ANGPTL4: variants seen among roughly 807,000 people sequenced by gnomAD.
ANGPTL4 encodes angiopoietin-related protein 4.
A neutral mutation model predicts 39.2 loss-of-function variants in ANGPTL4; 39 were observed. The ratio of observed to expected loss-of-function variants is 1.00; its 90% CI spans 0.77 to 1.30. ANGPTL4 has a LOEUF of 1.30. ANGPTL4 is among the 50% of genes most tolerant of loss of function. ANGPTL4 has a pLI of 0.00. For missense variants in ANGPTL4, 545 were observed against 549.8 expected (o/e 0.99, Z 0.09); for synonymous variants, 233 against 229.5 (o/e 1.02, Z -0.14).
In ANGPTL4 at chr19:8,365,397, G is replaced by A. The variant is rs556606496; in HGVS notation, c.319-557G>A. ...GGAGGCTGAGGCAGGAGAACCTCTT[G>A]AACCCGGGAGGCGGAGGTTGCAGTG... On this transcript the variant is annotated intron_variant, in intron 1 of 6. Transcript: ENST00000301455. Among the ~76,000 whole-genome samples the A allele has an allele frequency of 9.9e-4, 151 of 152,052 alleles. No individual in the cohort carries two copies. The Middle Eastern group carries it at 0.01, about 10-fold the overall frequency.
intron 4 of ANGPTL4, 117 bp downstream of exon 4, chr19:8,369,449 GCTGGTCT>G: frequency 1.6e-6 from 1 of 627,880 alleles, no homozygotes; most frequent in South Asian, 1.8e-5. Flanking sequence ...TGTTGCCCAA[GCTGGTCT>G]TTTTTTTTTT....
At chr19:8,366,645 CG>C (rs1291417635) in intron 3 of ANGPTL4, among the ~76,000 whole-genome samples, 1 of 151,978 alleles carries the variant, frequency 6.6e-6, no homozygotes, top group African/African-American at 2.4e-5. Context: ...AAATGGGGTT[CG>C]GGGTGCCATC....
At chr19:8,365,281 C>G (rs1455056436) in intron 1 of ANGPTL4, among the ~76,000 whole-genome samples, 2 of 151,588 alleles carry the variant, frequency 1.3e-5, no homozygotes, top group Non-Finnish European at 2.9e-5. Flanking sequence ...AGTTCAAGAC[C>G]AGCCTGACCA....
In ANGPTL4 at chr19:8,371,432, G is replaced by A. The variant is rs747326940; in HGVS notation, c.949G>A (p.Val317Ile). 43 of 1,613,232 alleles carry A rather than the reference G, an allele frequency of 2.7e-5. No individual in the cohort carries two copies. Among genetic ancestry groups the A allele is most frequent in the Middle Eastern group, 1.6e-4 (1 of 6,084 alleles). The change falls in exon 6 of 7, where the codon GTC (valine) becomes ATC (isoleucine). Residue 317 changes from valine (V) to isoleucine (I), a missense_variant. By Grantham distance (29) the Val-to-Ile change is conservative (BLOSUM62 3). Transcript: ENST00000301455. The surrounding 1 kb of genome is among the most constrained non-coding windows in gnomAD (Gnocchi z 5.1). ...PVAGQLGATT[V>I]PPSGLSVPFS... Reference sequence around the variant, plus strand: ...GGCCGGCCAGCTGGGCGCCACCACCGTCCCACCCAGCGGCCTCTCCGTACC... The same window carrying A: ...GGCCGGCCAGCTGGGCGCCACCACCATCCCACCCAGCGGCCTCTCCGTACC...
At chr19:8,368,954 G>A (rs1412838841) in intron 3 of ANGPTL4, among the ~76,000 whole-genome samples, 1 of 152,238 alleles carries the variant, frequency 6.6e-6, no homozygotes, top group East Asian at 1.9e-4. Context: ...AAGAAAGCCT[G>A]TGTGCCAGAG....
chr19:8,373,102 C>G (rs574323582), intron 6 of ANGPTL4, among the ~76,000 whole-genome samples: 1 of 152,034 alleles, frequency 6.6e-6, no homozygotes, highest in African/African-American at 2.4e-5. Flanking sequence ...AACCCTGTCT[C>G]TACTAAAAAT....
intron 6 of ANGPTL4, 120 bp from the exon 7 acceptor site, chr19:8,373,585 C>T: frequency 2.2e-6 from 3 of 1,373,388 alleles, no homozygotes; most frequent in Non-Finnish European, 3.0e-6. Flanking sequence ...AAAAAAAAGT[C>T]AAGTCCAAAG....
At chr19:8,366,358 C>G (rs894591440) in intron 3 of ANGPTL4, 39 bp downstream of exon 3, 1 of 1,593,882 alleles carries the variant, frequency 6.3e-7, no homozygotes, top group Non-Finnish European at 8.6e-7. Context: ...GTGGCCACCC[C>G]TACCCCGCCA....
At chr19:8,368,649 G>C (rs913014562) in intron 3 of ANGPTL4, among the ~76,000 whole-genome samples, 1 of 152,148 alleles carries the variant, frequency 6.6e-6, no homozygotes, top group African/African-American at 2.4e-5. Context: ...ACGAGGTCAG[G>C]AGATCGAGAC....
Position 8,371,334 on chromosome 19 carries a change from C to A in ANGPTL4, c.851C>A (p.Ala284Asp). ...CAGCTGCGGGACTGGGATGGCAACG[C>A]CGAGTTGCTGCAGTTCTCCGTGCAC... ...AVQLRDWDGN[A>D]ELLQFSVHLG... is the part of the protein sequence containing the mutation. Residue 284 changes from alanine (A) to aspartate (D), a missense_variant, in exon 6 of 7, where the codon GCC becomes GAC. Coordinates refer to ENST00000301455, the MANE Select transcript of ANGPTL4 (RefSeq NM_139314.3). This position sits in a 1 kb window ranked among gnomAD's most constrained non-coding sequence, Gnocchi z 5.1. The A allele has an allele frequency of 6.2e-7, 1 of 1,613,848 alleles. No individual in the cohort carries two copies. Among genetic ancestry groups the A allele is most frequent in the Non-Finnish European group, 8.5e-7 (1 of 1,180,032 alleles).
chr19:8,369,410 A>C, intron 4 of ANGPTL4, 78 bp downstream of exon 4: 11 of 1,119,570 alleles, frequency 9.8e-6, no homozygotes, highest in South Asian at 1.3e-5. Context: ...ACAAAACAAA[A>C]CAAAAAAATT....
chr19:8,364,665 C>T, intron 1 of ANGPTL4, 26 bp downstream of exon 1: 4 of 1,568,262 alleles, frequency 2.6e-6, no homozygotes, highest in Non-Finnish European at 3.5e-6. Flanking sequence ...GCTGGTTCTC[C>T]GCGCCCCTAG....
intron 3 of ANGPTL4, among the ~76,000 whole-genome samples, chr19:8,368,824 C>T (rs756656067): frequency 2.6e-5 from 4 of 152,190 alleles, no homozygotes; most frequent in Non-Finnish European, 5.9e-5. Context: ...CACTGCACTC[C>T]AGCCTGGCGA....
chr19:8,368,990 G>C (rs1391226168), intron 3 of ANGPTL4, among the ~76,000 whole-genome samples: 8 of 152,232 alleles, frequency 5.3e-5, no homozygotes, highest in Non-Finnish European at 1.2e-4. Flanking sequence ...CATGGCAGGA[G>C]GAGGATGGGC....
In ANGPTL4 at chr19:8,373,816, G is replaced by A. The variant is rs771904358; in HGVS notation, c.1151G>A (p.Arg384Gln). 2.5e-5 allele frequency: 41 copies of A among 1,613,812 alleles called. No homozygotes were observed. In the East Asian group the frequency reaches 3.8e-4, roughly 15 times the overall value. Reference sequence around the variant, plus strand: ...AAGGGAATCTTCTGGAAGACCTGGCGGGGCCGCTACTACCCGCTGCAGGCC... The same window carrying A: ...AAGGGAATCTTCTGGAAGACCTGGCAGGGCCGCTACTACCCGCTGCAGGCC... Reference protein sequence around the residue: ...LKKGIFWKTWRGRYYPLQATT... With the variant: ...LKKGIFWKTWQGRYYPLQATT... The change falls in exon 7 of 7, where the codon CGG (arginine) becomes CAG (glutamine). Residue 384 changes from arginine (R) to glutamine (Q), a missense_variant. By Grantham distance (43) the Arg-to-Gln change is conservative (BLOSUM62 1). Coordinates refer to ENST00000301455, the MANE Select transcript of ANGPTL4 (RefSeq NM_139314.3).
At chr19:8,368,686 C>T (rs949913324) in intron 3 of ANGPTL4, among the ~76,000 whole-genome samples, 3 of 152,072 alleles carry the variant, frequency 2.0e-5, no homozygotes, top group East Asian at 1.9e-4. Flanking sequence ...GTGAAACCCC[C>T]GTCTCTACAA....
intron 6 of ANGPTL4, among the ~76,000 whole-genome samples, chr19:8,373,426 C>T (rs1361012942): frequency 6.6e-6 from 1 of 151,606 alleles, no homozygotes; most frequent in Non-Finnish European, 1.5e-5. Context: ...CAAAAATTAG[C>T]CAGGTGTGGT....
At chr19:8,366,831 C>A (rs951570194) in intron 3 of ANGPTL4, among the ~76,000 whole-genome samples, 51 of 152,068 alleles carry the variant, frequency 3.4e-4, no homozygotes, top group African/African-American at 1.2e-3. Context: ...GCTCCAGGTC[C>A]CTGACCCCTC....
At chr19:8,367,553 C>A (rs535943947) in intron 3 of ANGPTL4, among the ~76,000 whole-genome samples, 1 of 152,122 alleles carries the variant, frequency 6.6e-6, no homozygotes, top group African/African-American at 2.4e-5. Flanking sequence ...TCACTCTGGG[C>A]CCGCCCCCAC....
Sources: allele counts gnomAD v4.1 joint callset (sites outside exome capture counted in the v4.1 genomes callset), GRCh38; gene constraint gnomAD v4.1.1; non-coding constraint Gnocchi (gnomAD v3.1); transcripts MANE v1.5; gene names NCBI Gene and HGNC (gene_info 2026-07-23, HGNC 2026-07-21).